ZFYVE28: variants seen among roughly 807,000 people sequenced by gnomAD.
ZFYVE28 encodes the protein lateral signaling target protein 2 homolog.
ZFYVE28 carries 40 observed loss-of-function variants against 82.1 expected under a neutral mutation model. The observed-to-expected ratio is 0.49, with a 90% CI of 0.38 to 0.63. The LOEUF is 0.63. Among genes scored for constraint, ZFYVE28 ranks in the 30% least tolerant of loss-of-function variants. ZFYVE28 has a pLI of 0.00. For missense variants in ZFYVE28, 1,321 were observed against 1,242.1 expected (o/e 1.06, Z -0.96); for synonymous variants, 612 against 546.1 (o/e 1.12, Z -1.68).
In ZFYVE28 at chr4:2,304,313, G is replaced by T; in HGVS notation, c.2027C>A (p.Ala676Glu). 1 of 1,594,714 alleles carries T rather than the reference G, an allele frequency of 6.3e-7. No individual in the cohort carries two copies. The highest frequency in any genetic ancestry group is 1.1e-5 in the South Asian group (1 of 90,084). Residue 676 changes from alanine to glutamate, a missense_variant, in exon 8 of 13, where the codon GCG becomes GAG. Ala to Glu is a moderately radical substitution (Grantham distance 107). Transcript: ENST00000290974. ...CCTGGAGCCCGACAGGGCCTGAGGC[G>T]CCTCGTGAGCCGAGGGGCTCCCAGC... The part of the protein sequence containing the change: ...LHAGSPSAHE[A>E]PQALSGSSSS...
At position 2,355,822 on chromosome 4, in the gene ZFYVE28, C is replaced by T. The variant is rs116199927; in HGVS notation, c.40-1749G>A. ...GAACTCCTGGCCTGAAGCCATCCTC[C>T]CACCTTGGCCTCCCAAAGTTGCGGA... On this transcript the variant is annotated intron_variant, in intron 1 of 12. Coordinates refer to ENST00000290974, the MANE Select transcript of ZFYVE28 (RefSeq NM_020972.3). Among the ~76,000 whole-genome samples the T allele has an allele frequency of 2.8e-3, 422 of 152,332 alleles. 3 individuals carry two copies. Among genetic ancestry groups the T allele is most frequent in the African/African-American group, 9.5e-3 (395 of 41,576 alleles).
chr4:2,305,516 G>T lies in ZFYVE28; in HGVS notation c.824C>A (p.Thr275Lys), dbSNP rs747879895. The change falls in exon 8 of 13, where the codon ACG becomes AAG. Residue 275 changes from threonine (T) to lysine (K), a missense_variant. By Grantham distance (78) the Thr-to-Lys change is moderately conservative. Coordinates refer to ENST00000290974, the MANE Select transcript of ZFYVE28 (RefSeq NM_020972.3). ...RKIRDLLQTLTEEELHTLERN... is the reference protein window; with the variant it reads ...RKIRDLLQTLKEEELHTLERN... ...TTCCAGCGTGTGCAGCTCCTCCTCC[G>T]TCAGCGTCTGCAGCAAATCCCTACG... is the stretch of plus-strand genomic sequence containing the variant. The T allele has an allele frequency of 6.2e-7, 1 of 1,612,968 alleles. No individual in the cohort carries two copies. The highest frequency in any genetic ancestry group is 1.7e-5 in the Admixed American group (1 of 60,032).
chr4:2,390,163 T>G lies in ZFYVE28; in HGVS notation c.39+28122A>C, dbSNP rs79922380. 2.4e-3 allele frequency among the ~76,000 whole-genome samples: 368 copies of G among 152,170 alleles called. 7 individuals carry two copies. In the East Asian group the frequency reaches 0.06, roughly 25 times the overall value. On this transcript the variant is annotated intron_variant, in intron 1 of 12. Transcript: ENST00000290974. ...ACAGAAGGAGGTGGCCATGTGAAGA[T>G]GGAGGTGGAGACTGGAGCAAGGCAG...
At chr4:2,366,393 C>T (rs1218843855) in intron 1 of ZFYVE28, among the ~76,000 whole-genome samples, 1 of 152,206 alleles carries the variant, frequency 6.6e-6, no homozygotes, top group Admixed American at 6.5e-5. Flanking sequence ...TAAATCAGTG[C>T]CCTGGGAAGC....
At position 2,406,062 on chromosome 4, in the gene ZFYVE28, A is replaced by AAAAAAGAAAGAAAG. The variant is rs1553867781; in HGVS notation, c.39+12222_39+12223insCTTTCTTTCTTTTT. Among the ~76,000 whole-genome samples, 140 of 125,070 alleles carry AAAAAAGAAAGAAAG rather than the reference A, an allele frequency of 1.1e-3. 2 individuals carry two copies. Among genetic ancestry groups the AAAAAAGAAAGAAAG allele is most frequent in the African/African-American group, 8.9e-4 (27 of 30,450 alleles). The allele number at this position is 125,070 out of a possible 152,430, so 82.1% of individuals were successfully genotyped here. ...GATTCTGTCTCAAAAAAAAAAAAAA[A>AAAAAAGAAAGAAAG]AAAGAAAGAAAGAAAGGAAAGAAAA... On this transcript the variant is annotated intron_variant, in intron 1 of 12. Coordinates refer to ENST00000290974, the MANE Select transcript of ZFYVE28 (RefSeq NM_020972.3).
intron 7 of ZFYVE28, 63 bp from the exon 8 acceptor site, chr4:2,305,599 G>C: frequency 1.3e-6 from 2 of 1,596,990 alleles, no homozygotes; most frequent in Non-Finnish European, 1.7e-6. Context: ...TCCTTGGCCA[G>C]GAGTGGACGC....
intron 5 of ZFYVE28, among the ~76,000 whole-genome samples, chr4:2,337,035 G>A (rs11932143): frequency 7.8e-5 from 9 of 114,876 alleles, no homozygotes; most frequent in African/African-American, 1.3e-4. Context: ...GACATGAGGA[G>A]TGAGTAGGTG....
intron 1 of ZFYVE28, among the ~76,000 whole-genome samples, chr4:2,371,293 T>C (rs1311119492): frequency 6.6e-6 from 1 of 152,218 alleles, no homozygotes; most frequent in Non-Finnish European, 1.5e-5. Context: ...TTTTGTACTG[T>C]GGTTATTGCT....
At chr4:2,376,606 G>A (rs1037909476) in intron 1 of ZFYVE28, among the ~76,000 whole-genome samples, 4 of 152,058 alleles carry the variant, frequency 2.6e-5, no homozygotes, top group African/African-American at 7.2e-5. Context: ...AATGCCAGAC[G>A]CTTATAAAAC....
chr4:2,370,467 AG>A (rs1358212024), intron 1 of ZFYVE28, among the ~76,000 whole-genome samples: 1 of 152,138 alleles, frequency 6.6e-6, no homozygotes, highest in Admixed American at 6.5e-5. Context: ...GGATTCCCTA[AG>A]TGCCCCCAGT....
In ZFYVE28 at chr4:2,305,207, C is replaced by A; in HGVS notation, c.1133G>T (p.Ser378Ile). The change falls in exon 8 of 13, where the codon AGC becomes ATC. Residue 378 changes from serine (S) to isoleucine (I), a missense_variant. By Grantham distance (142) the Ser-to-Ile change is moderately radical (BLOSUM62 -2). This residue lies in a region of ZFYVE28 where 978 missense variants were observed against 833.7 expected (regional missense o/e 1.17). Transcript: ENST00000290974. The part of the protein sequence containing the change: ...SPAHRPGAEG[S>I]PGGEASPGRP... ...ACCTGGAGAGGCCTCCCCGCCTGGGCTGCCCTCCGCTCCTGGCCTGTGAGC... is the reference window on the plus strand; with the variant it reads ...ACCTGGAGAGGCCTCCCCGCCTGGGATGCCCTCCGCTCCTGGCCTGTGAGC... 1 of 1,605,336 alleles carries A rather than the reference C, an allele frequency of 6.2e-7. No homozygotes were observed. Among genetic ancestry groups the A allele is most frequent in the South Asian group, 1.1e-5 (1 of 90,588 alleles).
At chr4:2,290,139 A>C (rs970867512) in intron 8 of ZFYVE28, among the ~76,000 whole-genome samples, 1 of 152,034 alleles carries the variant, frequency 6.6e-6, no homozygotes, top group Non-Finnish European at 1.5e-5. Flanking sequence ...CCTGTGCCCC[A>C]GGGGACTCAC....
At chr4:2,319,268 G>A (rs1042568766) in intron 7 of ZFYVE28, among the ~76,000 whole-genome samples, 3 of 152,136 alleles carry the variant, frequency 2.0e-5, no homozygotes, top group African/African-American at 7.2e-5. Flanking sequence ...ATCCCCCCAA[G>A]CAGGAGGAAA....
intron 7 of ZFYVE28, among the ~76,000 whole-genome samples, chr4:2,312,450 C>T (rs894570381): frequency 2.0e-5 from 3 of 152,030 alleles, no homozygotes; most frequent in Admixed American, 6.6e-5. Context: ...GTTTTGGGGC[C>T]GGGCGCGGTG....
chr4:2,281,740 C>T (rs894777704), intron 8 of ZFYVE28, among the ~76,000 whole-genome samples: 11 of 152,168 alleles, frequency 7.2e-5, no homozygotes, highest in African/African-American at 2.7e-4. Context: ...GTTTGGATGC[C>T]AGTGGCCCAG....
At chr4:2,308,678 A>AAAGAAAGG (rs1560182427) in intron 7 of ZFYVE28, among the ~76,000 whole-genome samples, 1 of 41,682 alleles carries the variant, frequency 2.4e-5, no homozygotes, top group Non-Finnish European at 4.4e-5. Context: ...AGAAAGAAAG[A>AAAGAAAGG]GAAAGAAAGA....
chr4:2,367,437 G>T (rs1727006277), intron 1 of ZFYVE28, among the ~76,000 whole-genome samples: 1 of 152,214 alleles, frequency 6.6e-6, no homozygotes, highest in Non-Finnish European at 1.5e-5. Context: ...ACTCTGAAAG[G>T]GTGGTGGGGA....
At chr4:2,360,908 G>C (rs1184144204) in intron 1 of ZFYVE28, among the ~76,000 whole-genome samples, 1 of 152,136 alleles carries the variant, frequency 6.6e-6, no homozygotes, top group African/African-American at 2.4e-5. Context: ...CCTTTGATTT[G>C]AATCCACCAG....
chr4:2,349,863 G>A (rs980797884), intron 2 of ZFYVE28, among the ~76,000 whole-genome samples: 7 of 152,152 alleles, frequency 4.6e-5, no homozygotes, highest in Non-Finnish European at 1.0e-4. Context: ...TGAGTAGGTG[G>A]CAACTGCCTT....
Sources: gnomAD v4.1 joint callset for allele counts (sites outside exome capture counted in the v4.1 genomes callset) on GRCh38, gnomAD v4.1.1 for gene constraint, gnomAD v4.1.1 regional missense constraint, MANE v1.5 for transcripts, NCBI Gene and HGNC (gene_info 2026-07-23, HGNC 2026-07-21) for gene names.